ASTN2: variants seen among roughly 807,000 people sequenced by gnomAD.
ASTN2 encodes the protein astrotactin 2, also known as astrotactin-2.
ASTN2 carries 54 observed loss-of-function variants against 139.8 expected under a neutral mutation model. That is an observed-to-expected ratio of 0.39 (90% CI 0.31 to 0.48). The LOEUF (loss-of-function observed/expected upper bound fraction) is 0.48. Ranked by LOEUF, ASTN2 falls within the 20% of genes least tolerant of loss-of-function variation. The pLI, the probability that ASTN2 is intolerant of heterozygous loss-of-function variation, is 0.95. For missense variants in ASTN2, 1,565 were observed against 1,725.1 expected (o/e 0.91, Z 1.64); for synonymous variants, 756 against 719.5 (o/e 1.05, Z -0.81).
chr9:116,545,669 A>C (rs1329975288), intron 19 of ASTN2: 2 of 152,042 alleles, frequency 1.3e-5, no homozygotes, highest in East Asian at 3.9e-4. Context: ...TTCATGACCA[A>C]TTTTTAGCAG....
intron 11 of ASTN2, among the ~76,000 whole-genome samples, chr9:116,825,848 C>T (rs984706362): frequency 6.6e-6 from 1 of 152,220 alleles, no homozygotes; most frequent in Admixed American, 6.5e-5. Flanking sequence ...GGCATCTGAA[C>T]CTGGAGTAGA....
At chr9:116,839,859 CATT>C (rs749979493) in intron 11 of ASTN2, among the ~76,000 whole-genome samples, 13 of 125,944 alleles carry the variant, frequency 1.0e-4, no homozygotes, top group South Asian at 2.6e-4. Flanking sequence ...TATTTTATTT[CATT>C]ATTATTATTA....
At chr9:117,269,563 T>G (rs1834015787) in intron 2 of ASTN2, among the ~76,000 whole-genome samples, 1 of 152,162 alleles carries the variant, frequency 6.6e-6, no homozygotes, top group South Asian at 2.1e-4. Flanking sequence ...AACATGGGCC[T>G]TATTTGTTTG....
At chr9:117,062,683 A>G (rs976792361) in intron 5 of ASTN2, among the ~76,000 whole-genome samples, 1 of 152,156 alleles carries the variant, frequency 6.6e-6, no homozygotes, top group African/African-American at 2.4e-5. Context: ...AGCAATGGTA[A>G]TGGTGTAAGT....
intron 11 of ASTN2, among the ~76,000 whole-genome samples, chr9:116,862,480 C>A (rs1341438885): frequency 6.6e-6 from 1 of 152,076 alleles, no homozygotes; most frequent in African/African-American, 2.4e-5. Context: ...AAGAGGGTCA[C>A]CTGCGGGGAG....
At position 116,562,523 on chromosome 9, in the gene ASTN2, G is replaced by A. The variant is rs180887781; in HGVS notation, c.3355+55801C>T. 5.1e-3 allele frequency among the ~76,000 whole-genome samples: 777 copies of A among 151,472 alleles called. 9 individuals carry two copies. Among genetic ancestry groups the A allele is most frequent in the African/African-American group, 0.018 (739 of 41,288 alleles). ...AGGCCTAGGCGGGCGGATCACCTGAGGTCAGGAGTTCAAGACCAGCCTGGC... is the reference window on the plus strand; with the variant it reads ...AGGCCTAGGCGGGCGGATCACCTGAAGTCAGGAGTTCAAGACCAGCCTGGC... On this transcript the variant is annotated intron_variant, in intron 19 of 22. Coordinates refer to ENST00000313400, the MANE Select transcript of ASTN2 (RefSeq NM_001365068.1).
At chr9:116,920,847 A>G (rs1834585771) in intron 10 of ASTN2, among the ~76,000 whole-genome samples, 1 of 152,236 alleles carries the variant, frequency 6.6e-6, no homozygotes. Context: ...CGTAGCTAGT[A>G]GGAGCAAAGC....
chr9:116,849,770 T>C (rs1376111505), intron 11 of ASTN2, among the ~76,000 whole-genome samples: 3 of 152,166 alleles, frequency 2.0e-5, no homozygotes, highest in Non-Finnish European at 2.9e-5. Context: ...CTCTTGTCAC[T>C]AAAAACTCAA....
chr9:116,763,011 T>C (rs572582253), intron 13 of ASTN2, among the ~76,000 whole-genome samples: 1 of 152,350 alleles, frequency 6.6e-6, no homozygotes, highest in South Asian at 2.1e-4. Context: ...TAAAAACTAC[T>C]TCAATTCCAT....
intron 12 of ASTN2, among the ~76,000 whole-genome samples, chr9:116,807,645 T>C (rs1436998796): frequency 6.6e-6 from 1 of 152,186 alleles, no homozygotes; most frequent in Non-Finnish European, 1.5e-5. Flanking sequence ...TCGTACATGG[T>C]GAGTGTTTCA....
At chr9:117,413,942 C>T (rs902836628) in intron 1 of ASTN2, among the ~76,000 whole-genome samples, 1 of 152,162 alleles carries the variant, frequency 6.6e-6, no homozygotes, top group African/African-American at 2.4e-5. Context: ...AGAAGGGAAG[C>T]GACTTGGCCA....
At chr9:117,062,476 C>A (rs767353044) in intron 5 of ASTN2, among the ~76,000 whole-genome samples, 1 of 152,170 alleles carries the variant, frequency 6.6e-6, no homozygotes, top group African/African-American at 2.4e-5. Flanking sequence ...ACCTACTGAA[C>A]AGGAATCTCT....
At chr9:117,195,944 A>T (rs1342843851) in intron 3 of ASTN2, among the ~76,000 whole-genome samples, 1 of 152,182 alleles carries the variant, frequency 6.6e-6, no homozygotes, top group Non-Finnish European at 1.5e-5. Context: ...TTCTTCAGGG[A>T]ACACATGTTG....
At chr9:116,496,759 A>G (rs1327268958) in intron 19 of ASTN2, among the ~76,000 whole-genome samples, 1 of 152,236 alleles carries the variant, frequency 6.6e-6, no homozygotes, top group African/African-American at 2.4e-5. Context: ...CCTCAACATC[A>G]TGGTGGAAAG....
At chr9:117,323,643 C>A (rs1018541398) in intron 1 of ASTN2, among the ~76,000 whole-genome samples, 7 of 152,290 alleles carry the variant, frequency 4.6e-5, no homozygotes, top group African/African-American at 1.2e-4. Context: ...TCAACAAGCA[C>A]AAAGAAACCT....
At chr9:117,101,132 G>A (rs1054850734) in intron 4 of ASTN2, among the ~76,000 whole-genome samples, 1 of 152,180 alleles carries the variant, frequency 6.6e-6, no homozygotes, top group Admixed American at 6.5e-5. Context: ...GTGTTTAACA[G>A]AATGAAAGGG....
intron 3 of ASTN2, among the ~76,000 whole-genome samples, chr9:117,172,912 A>C (rs1405676492): frequency 6.6e-6 from 1 of 152,086 alleles, no homozygotes; most frequent in African/African-American, 2.4e-5. Context: ...CCCTTACCTG[A>C]AGTAACTTGA....
intron 2 of ASTN2, among the ~76,000 whole-genome samples, chr9:117,253,878 T>C (rs1471761287): frequency 6.6e-6 from 1 of 152,144 alleles, no homozygotes; most frequent in Non-Finnish European, 1.5e-5. Flanking sequence ...CTATGCCTTA[T>C]TTCTTCCACC....
At chr9:116,917,137 C>T (rs1019001634) in intron 10 of ASTN2, among the ~76,000 whole-genome samples, 4 of 152,108 alleles carry the variant, frequency 2.6e-5, no homozygotes, top group Non-Finnish European at 5.9e-5. Context: ...AGAGCTTTTT[C>T]TCACCTCCTT....
Sources: gnomAD v4.1 joint callset for allele counts (sites outside exome capture counted in the v4.1 genomes callset) on GRCh38, gnomAD v4.1.1 for gene constraint, MANE v1.5 for transcripts, NCBI Gene and HGNC (gene_info 2026-07-23, HGNC 2026-07-21) for gene names.